PYGO1: variants seen among roughly 807,000 people sequenced by gnomAD.
PYGO1 encodes pygopus homolog 1.
Under a neutral mutation model 29.5 loss-of-function variants are expected in PYGO1, and 6 were observed. The ratio of observed to expected loss-of-function variants is 0.20; its 90% CI spans 0.11 to 0.40. The LOEUF (loss-of-function observed/expected upper bound fraction) is 0.40. PYGO1 is among the 10% of genes least tolerant of loss of function. The probability of loss-of-function intolerance (pLI) is 1.00; values close to 1 mark genes in which losing one functional copy is unlikely to be tolerated. For synonymous variants in PYGO1, 186 were observed against 180.5 expected (o/e 1.03, Z -0.24); for missense variants, 515 against 514.9 (o/e 1.00, Z 0.00).
intron 1 of PYGO1, among the ~76,000 whole-genome samples, chr15:55,568,763 G>A (rs368217503): frequency 5.3e-4 from 81 of 152,188 alleles, no homozygotes; most frequent in South Asian, 4.1e-3. Context: ...AAGTATGTTC[G>A]TTCGATGCCT....
Position 55,541,464 on chromosome 15 carries a change from A to G in PYGO1, c.*4559T>C, listed in dbSNP as rs1250392543. The G allele has an allele frequency of 6.6e-6, 1 of 152,216 alleles. No homozygotes were observed. Among genetic ancestry groups the G allele is most frequent in the Admixed American group, 6.5e-5 (1 of 15,270 alleles). 9.4% of individuals were successfully genotyped at this position (152,216 alleles called of 1,614,324 possible). A position where few individuals can be genotyped will look rare whatever the true frequency, so the allele number is the denominator to read the frequency against. On this transcript the variant is annotated 3_prime_UTR_variant, in exon 3 of 3. Transcript: ENST00000563719. ...CAGTACCAGCTAATTCACTAAATGT[A>G]CTGCTTCCCATGGTATCTGAAATGC...
intron 1 of PYGO1, among the ~76,000 whole-genome samples, chr15:55,586,506 G>A (rs993326172): frequency 6.6e-6 from 1 of 152,164 alleles, no homozygotes; most frequent in Non-Finnish European, 1.5e-5. Context: ...ATTTAAAAAT[G>A]TACTCTTAAT....
rs1567049931 is a variant in PYGO1, at chr15:55,547,102, G to C, written c.181C>G (p.Pro61Ala). The change falls in exon 3 of 3, where the codon CCA (proline) becomes GCA (alanine). Residue 61 changes from proline to alanine, a missense_variant. Pro to Ala is a conservative substitution (Grantham distance 27). Transcript: ENST00000563719. ...GCAGCCACTAGATGGTCAGAGTTTG[G>C]ATTCGGTGGTGGAGCATACTCAGAC... ...PLSEYAPPPN[P>A]NSDHLVAANP... 1 of 1,611,170 alleles carries C rather than the reference G, an allele frequency of 6.2e-7. No homozygotes were observed. Among genetic ancestry groups the C allele is most frequent in the Admixed American group, 1.7e-5 (1 of 59,996 alleles).
intron 1 of PYGO1, among the ~76,000 whole-genome samples, chr15:55,578,790 C>T (rs1024813396): frequency 6.6e-6 from 1 of 152,048 alleles, no homozygotes; most frequent in Non-Finnish European, 1.5e-5. Flanking sequence ...TTCCATCGTG[C>T]GGGTTGTCTA....
intron 1 of PYGO1, among the ~76,000 whole-genome samples, chr15:55,553,417 G>A (rs1236371708): frequency 2.7e-5 from 4 of 146,300 alleles, no homozygotes; most frequent in African/African-American, 1.0e-4. Flanking sequence ...TTTTTTTTAA[G>A]AAGGAGTTTC....
At chr15:55,576,212 T>C (rs1325176785) in intron 1 of PYGO1, among the ~76,000 whole-genome samples, 1 of 150,732 alleles carries the variant, frequency 6.6e-6, no homozygotes, top group Non-Finnish European at 1.5e-5. Context: ...ATCCCAGCAC[T>C]TTGGGAGGCC....
intron 2 of PYGO1, among the ~76,000 whole-genome samples, chr15:55,548,561 C>T (rs2058863027): frequency 2.0e-5 from 3 of 151,212 alleles, no homozygotes; most frequent in Admixed American, 2.0e-4. Context: ...CAAAAATTAG[C>T]TGGGCATGGT....
At position 55,548,500 on chromosome 15, in the gene PYGO1, G is replaced by A. The variant is rs868136746; in HGVS notation, c.135+410C>T. ...AGGCGGGTGGATCACGAGGTCAAGA[G>A]ATTGAGACCATCCTGATCAACATGG... On this transcript the variant is annotated intron_variant, in intron 2 of 2. Coordinates refer to ENST00000563719, the MANE Select transcript of PYGO1 (RefSeq NM_001367806.1). 6.0e-4 allele frequency among the ~76,000 whole-genome samples: 91 copies of A among 151,658 alleles called. No homozygotes were observed. The Middle Eastern group carries it at 0.017, about 29-fold the overall frequency.
upstream of PYGO1, among the ~76,000 whole-genome samples, chr15:55,588,357 G>C (rs1030539843): frequency 2.0e-5 from 3 of 148,690 alleles, no homozygotes; most frequent in East Asian, 1.9e-4. Context: ...AAAGCCCCCA[G>C]ACTGGAGCCG....
chr15:55,560,597 A>G (rs2058928784), intron 1 of PYGO1, among the ~76,000 whole-genome samples: 1 of 152,220 alleles, frequency 6.6e-6, no homozygotes, highest in Admixed American at 6.5e-5. Flanking sequence ...GAAAATGGCC[A>G]TACTGCCCAA....
At chr15:55,564,874 C>T (rs2141662324) in intron 1 of PYGO1, among the ~76,000 whole-genome samples, 1 of 152,294 alleles carries the variant, frequency 6.6e-6, no homozygotes, top group South Asian at 2.1e-4. Context: ...GGGAAATCTG[C>T]CTCCAATCTC....
chr15:55,588,075 C>T lies in PYGO1; in HGVS notation c.-192G>A, dbSNP rs1319803427. The T allele has an allele frequency of 9.9e-7, 1 of 1,005,520 alleles. No individual in the cohort carries two copies. The highest frequency in any genetic ancestry group is 1.2e-6 in the Non-Finnish European group (1 of 840,664). The allele number at this position is 1,005,520 out of a possible 1,614,324, so 62.3% of individuals were successfully genotyped here. ...GGAGGAGGACGAGGCCTCGGGGCGG[C>T]GGGGCGGCGGGGCGGCGTGCGGGCA... On this transcript the variant is annotated 5_prime_UTR_variant, in exon 1 of 3. Coordinates refer to ENST00000563719, the MANE Select transcript of PYGO1 (RefSeq NM_001367806.1).
upstream of PYGO1, chr15:55,588,715 C>T: frequency 7.0e-7 from 1 of 1,436,100 alleles, no homozygotes; most frequent in South Asian, 1.2e-5. Flanking sequence ...GCCCAGCTTT[C>T]GCAAGGAAAG....
rs1454554374 is a variant in PYGO1, at chr15:55,546,858, C to G, written c.425G>C (p.Arg142Pro). ...TGGCCCAAAGTTAAAAGCATGAGGTCGATTAAAACCCATGCCCAGAGGATT... is the reference window on the plus strand; with the variant it reads ...TGGCCCAAAGTTAAAAGCATGAGGTGGATTAAAACCCATGCCCAGAGGATT... Reference protein sequence around the residue: ...PQNPLGMGFNRPHAFNFGPHD... With the variant: ...PQNPLGMGFNPPHAFNFGPHD... The change falls in exon 3 of 3, where the codon CGA (arginine) becomes CCA (proline). Residue 142 changes from arginine to proline, a missense_variant. Physicochemically the swap from Arg to Pro is moderately radical, Grantham distance 103 (BLOSUM62 -2). Coordinates refer to ENST00000563719, the MANE Select transcript of PYGO1 (RefSeq NM_001367806.1). 5.0e-6 allele frequency: 8 copies of G among 1,613,916 alleles called. No homozygotes were observed. Among genetic ancestry groups the G allele is most frequent in the Non-Finnish European group, 6.8e-6 (8 of 1,180,000 alleles).
chr15:55,558,394 T>C (rs1341307389), intron 1 of PYGO1, among the ~76,000 whole-genome samples: 1 of 151,994 alleles, frequency 6.6e-6, no homozygotes, highest in Admixed American at 6.6e-5. Context: ...ATAGGAAGAA[T>C]CAATATCGTG....
rs187665968 is a variant in PYGO1 at position 55,550,787 on chromosome 15, T to C, written c.50-1792A>G. 2.4e-4 allele frequency among the ~76,000 whole-genome samples: 37 copies of C among 152,338 alleles called. No homozygotes were observed. In the East Asian group the frequency reaches 6.2e-3, roughly 25 times the overall value. On this transcript the variant is annotated intron_variant, in intron 1 of 2. Transcript: ENST00000563719. Reference sequence around the variant, plus strand: ...TTTCTAGTCTGGAATGTTTGATATATCTTGATTTTGCTGATTATATTTGCT... The same window carrying C: ...TTTCTAGTCTGGAATGTTTGATATACCTTGATTTTGCTGATTATATTTGCT...
chr15:55,546,445 T>C lies in PYGO1; in HGVS notation c.838A>G (p.Asn280Asp), dbSNP rs753773381. 2.5e-6 allele frequency: 4 copies of C among 1,614,084 alleles called. No homozygotes were observed. In the African/African-American group the frequency reaches 5.3e-5, roughly 22 times the overall value. ...CGGCTGTTCTCCTGATTTACTGCAT[T>C]GTTTCGATTAACATTTTTTAATTCA... ...NIELKNVNRN[N>D]AVNQENSRSS... Residue 280 changes from asparagine to aspartate, a missense_variant, in exon 3 of 3, where the codon AAT (asparagine) becomes GAT (aspartate). Physicochemically the swap from Asn to Asp is conservative, Grantham distance 23. Transcript: ENST00000563719.
At chr15:55,550,177 A>G (rs1283987659) in intron 1 of PYGO1, among the ~76,000 whole-genome samples, 1 of 152,176 alleles carries the variant, frequency 6.6e-6, no homozygotes, top group East Asian at 1.9e-4. Flanking sequence ...CTTTTAATTG[A>G]TATACTTCCC....
At chr15:55,576,215 G>A (rs1278188749) in intron 1 of PYGO1, among the ~76,000 whole-genome samples, 1 of 151,572 alleles carries the variant, frequency 6.6e-6, no homozygotes, top group Non-Finnish European at 1.5e-5. Flanking sequence ...CCAGCACTTT[G>A]GGAGGCCGAG....
Sources: allele counts gnomAD v4.1 joint callset (sites outside exome capture counted in the v4.1 genomes callset), GRCh38; gene constraint gnomAD v4.1.1; transcripts MANE v1.5; gene names NCBI Gene and HGNC (gene_info 2026-07-23, HGNC 2026-07-21).